Variants in GPHN observed in about 807,000 individuals in gnomAD.
GPHN encodes the protein gephyrin.
A neutral mutation model predicts 95.5 loss-of-function variants in GPHN; 17 were observed. The observed-to-expected ratio is 0.18, with a 90% CI of 0.12 to 0.27. The LOEUF (loss-of-function observed/expected upper bound fraction) is 0.27. GPHN is among the 10% of genes least tolerant of loss of function. The pLI is 1.00. For synonymous variants in GPHN, 320 were observed against 322.5 expected (o/e 0.99, Z 0.08); for missense variants, 660 against 978.1 (o/e 0.67, Z 4.34).
intron 18 of GPHN, among the ~76,000 whole-genome samples, chr14:67,150,950 A>G (rs2081246901): frequency 6.6e-6 from 1 of 152,216 alleles, no homozygotes; most frequent in Non-Finnish European, 1.5e-5. Context: ...CAAAATTATA[A>G]GTAGAATATT....
chr14:67,202,220 C>A, the GPHN span, among the ~76,000 whole-genome samples: 1 of 152,228 alleles, frequency 6.6e-6, no homozygotes, highest in South Asian at 2.1e-4. Flanking sequence ...GTGGGTGGAT[C>A]ACCCGAGGTC....
At chr14:67,609,730 G>T in the GPHN span, among the ~76,000 whole-genome samples, 1 of 152,086 alleles carries the variant, frequency 6.6e-6, no homozygotes, top group African/African-American at 2.4e-5. Flanking sequence ...TATTGCTCCA[G>T]AGCTGTTTCA....
At chr14:67,206,349 T>A in the GPHN span, among the ~76,000 whole-genome samples, 1 of 151,520 alleles carries the variant, frequency 6.6e-6, no homozygotes, top group African/African-American at 2.4e-5. Context: ...AAATAAAAAT[T>A]AGCCGGTGTG....
the GPHN span, chr14:67,454,202 A>G: frequency 6.6e-6 from 1 of 151,994 alleles, no homozygotes; most frequent in Non-Finnish European, 1.5e-5. Context: ...AAGAATTTAA[A>G]TGGCTTAATG....
chr14:67,112,462 G>A (rs1488124440), intron 15 of GPHN, among the ~76,000 whole-genome samples: 3 of 152,172 alleles, frequency 2.0e-5, no homozygotes, highest in South Asian at 4.2e-4. Flanking sequence ...CCTTTGTAAC[G>A]AAGCTACACT....
intron 12 of GPHN, among the ~76,000 whole-genome samples, chr14:67,090,477 G>A (rs2077103162): frequency 6.6e-6 from 1 of 152,024 alleles, no homozygotes; most frequent in African/African-American, 2.4e-5. Context: ...TTGGCTATGT[G>A]TATAGGATAT....
the GPHN span, among the ~76,000 whole-genome samples, chr14:67,553,859 A>T: frequency 3.3e-5 from 5 of 152,114 alleles, no homozygotes; most frequent in African/African-American, 7.2e-5. Flanking sequence ...ACCAGAACCA[A>T]CCCACCCACT....
intron 5 of GPHN, among the ~76,000 whole-genome samples, chr14:66,903,280 G>C (rs556280208): frequency 3.3e-5 from 5 of 152,080 alleles, no homozygotes; most frequent in African/African-American, 4.8e-5. Flanking sequence ...CAGCTCCAGT[G>C]GTGGGTGCAC....
At chr14:66,529,693 T>C (rs1450250153) in intron 1 of GPHN, among the ~76,000 whole-genome samples, 1 of 152,170 alleles carries the variant, frequency 6.6e-6, no homozygotes, top group Non-Finnish European at 1.5e-5. Context: ...TCCCTTTCTG[T>C]TTGTTAGTTT....
In GPHN at chr14:66,565,968, C is replaced by CTTTT. The variant is rs60387447; in HGVS notation, c.64+57386_64+57389dup. ...CAAAACCAAAAGTAAAAAGAAAATTCTTTTTTTTTTTTGCTTTCTATCTAT... is the reference window on the plus strand; with the variant it reads ...CAAAACCAAAAGTAAAAAGAAAATTCTTTTTTTTTTTTTTTTGCTTTCTATCTAT... On this transcript the variant is annotated intron_variant, in intron 1 of 22. Transcript: ENST00000478722. Among the ~76,000 whole-genome samples, 497 of 143,270 alleles carry CTTTT rather than the reference C, an allele frequency of 3.5e-3. 6 individuals are homozygous for CTTTT. The highest frequency in any genetic ancestry group is 0.012 in the African/African-American group (471 of 39,848). The allele number at this position is 143,270 out of a possible 152,430, so 94.0% of individuals were successfully genotyped here.
the GPHN span, among the ~76,000 whole-genome samples, chr14:67,530,863 A>T: frequency 1.3e-5 from 2 of 152,108 alleles, no homozygotes; most frequent in East Asian, 3.9e-4. Flanking sequence ...AACTATTTTT[A>T]ATATCCCACC....
At chr14:66,812,383 G>A (rs1356129814) in intron 3 of GPHN, among the ~76,000 whole-genome samples, 1 of 152,188 alleles carries the variant, frequency 6.6e-6, no homozygotes, top group African/African-American at 2.4e-5. Context: ...CCAGCATATA[G>A]TCTGAAATTA....
At chr14:67,212,404 A>G in the GPHN span, among the ~76,000 whole-genome samples, 1 of 151,756 alleles carries the variant, frequency 6.6e-6, no homozygotes, top group Non-Finnish European at 1.5e-5. Flanking sequence ...CCTGGGCAAC[A>G]TTGCAAAACC....
At chr14:66,618,003 C>T (rs2063121346) in intron 1 of GPHN, among the ~76,000 whole-genome samples, 1 of 152,060 alleles carries the variant, frequency 6.6e-6, no homozygotes, top group Non-Finnish European at 1.5e-5. Flanking sequence ...GGAGGGCTAA[C>T]ATTTTTCTGT....
intron 1 of GPHN, among the ~76,000 whole-genome samples, chr14:66,524,273 A>G (rs1470954097): frequency 6.6e-6 from 1 of 152,130 alleles, no homozygotes; most frequent in Non-Finnish European, 1.5e-5. Context: ...ATTTATATAG[A>G]TGATTGTTGA....
At chr14:67,381,177 G>T in the GPHN span, among the ~76,000 whole-genome samples, 139 of 152,178 alleles carry the variant, frequency 9.1e-4, no homozygotes, top group Middle Eastern at 3.4e-3. Context: ...TTTATGCTGG[G>T]TAATGTTTCA....
the GPHN span, among the ~76,000 whole-genome samples, chr14:67,193,634 T>C: frequency 2.7e-5 from 4 of 146,960 alleles, no homozygotes; most frequent in African/African-American, 9.9e-5. Context: ...TCTATCTATA[T>C]AGATATAGAT....
At chr14:67,675,132 A>G in the GPHN span, among the ~76,000 whole-genome samples, 1 of 152,188 alleles carries the variant, frequency 6.6e-6, no homozygotes, top group African/African-American at 2.4e-5. Flanking sequence ...CGGCCCTGGA[A>G]AGATAGCCGG....
At chr14:66,788,566 A>G (rs959904919) in intron 3 of GPHN, among the ~76,000 whole-genome samples, 4 of 152,232 alleles carry the variant, frequency 2.6e-5, no homozygotes, top group African/African-American at 9.6e-5. Flanking sequence ...TTGACATTGC[A>G]TCCTGTATGA....
Sources: gnomAD v4.1 joint callset for allele counts (sites outside exome capture counted in the v4.1 genomes callset) on GRCh38, gnomAD v4.1.1 for gene constraint, MANE v1.5 for transcripts, NCBI Gene and HGNC (gene_info 2026-07-23, HGNC 2026-07-21) for gene names.